The following DPY30 variants were observed in gnomAD, a reference collection of about 807,000 sequenced individuals.
DPY30 encodes protein dpy-30 homolog.
DPY30 carries 6 observed loss-of-function variants against 16.2 expected under a neutral mutation model. The observed-to-expected ratio is 0.37, with a 90% confidence interval of 0.20 to 0.73. The LOEUF is 0.73. Among genes scored for constraint, DPY30 ranks in the 30% least tolerant of loss-of-function variants. The pLI is 0.51. For synonymous variants in DPY30, 39 were observed against 38.8 expected (o/e 1.00, Z -0.02); for missense variants, 73 against 113.1 (o/e 0.65, Z 1.61).
At chr2:32,037,818 G>A (rs1176259730) in intron 3 of DPY30, among the ~76,000 whole-genome samples, 2 of 151,948 alleles carry the variant, frequency 1.3e-5, no homozygotes, top group East Asian at 3.9e-4. Flanking sequence ...CTCCCAAAGT[G>A]CTGGGATTAC....
intron 3 of DPY30, among the ~76,000 whole-genome samples, chr2:32,038,040 T>C (rs1675812449): frequency 6.6e-6 from 1 of 151,988 alleles, no homozygotes; most frequent in Non-Finnish European, 1.5e-5. Context: ...AGTAACTTGT[T>C]CAAGATCACC....
At chr2:32,032,142 C>T (rs1675566488) in intron 3 of DPY30, among the ~76,000 whole-genome samples, 2 of 152,122 alleles carry the variant, frequency 1.3e-5, no homozygotes, top group South Asian at 4.1e-4. Context: ...TCCAAAGACA[C>T]TTCCCATAAC....
At chr2:32,013,429 C>T (rs1343781898) in intron 5 of DPY30, 1 of 152,192 alleles carries the variant, frequency 6.6e-6, no homozygotes, top group South Asian at 2.1e-4. Context: ...ATTATTCCCC[C>T]TGTCCACCTT....
downstream of DPY30, among the ~76,000 whole-genome samples, chr2:32,022,827 A>G (rs1675215365): frequency 6.6e-6 from 1 of 151,910 alleles, no homozygotes; most frequent in African/African-American, 2.4e-5. Context: ...ATCACATTAA[A>G]TTTCTAACTT....
intron 5 of DPY30, among the ~76,000 whole-genome samples, chr2:32,016,178 TG>T (rs772529613): frequency 1.3e-5 from 2 of 152,286 alleles, no homozygotes; most frequent in Non-Finnish European, 2.9e-5. Context: ...GGATTACAAG[TG>T]TGAGCCACCG....
At position 32,024,076 on chromosome 2, in the gene DPY30, G is replaced by A. The variant is rs951012866; in HGVS notation, c.*108C>T. The A allele has an allele frequency of 6.6e-6, 10 of 1,517,826 alleles. No homozygotes were observed. The highest frequency in any genetic ancestry group is 7.0e-6 in the Non-Finnish European group (8 of 1,139,226). 94.0% of individuals were successfully genotyped at this position (1,517,826 alleles called of 1,614,324 possible). A position where few individuals can be genotyped will look rare whatever the true frequency, so the allele number is the denominator to read the frequency against. On this transcript the variant is annotated 3_prime_UTR_variant, in exon 5 of 5. Coordinates refer to ENST00000342166, the MANE Select transcript of DPY30 (RefSeq NM_001321209.2). ...TTCCAGAAATAGGTTCTGTTGTCCG[G>A]AAGGTTCTTATACATCCAAAAAGAG...
chr2:32,023,436 T>C (rs1675227994), downstream of DPY30: 1 of 471,366 alleles, frequency 2.1e-6, no homozygotes. Flanking sequence ...AGTGTTGTCT[T>C]GAGCATGTCA....
intron 3 of DPY30, among the ~76,000 whole-genome samples, chr2:32,033,848 G>A (rs1341707418): frequency 6.6e-6 from 1 of 152,128 alleles, no homozygotes. Flanking sequence ...AATAGATATA[G>A]CCAAACTAAC....
At chr2:32,033,799 T>G (rs1200207651) in intron 3 of DPY30, among the ~76,000 whole-genome samples, 7 of 152,264 alleles carry the variant, frequency 4.6e-5, no homozygotes, top group Admixed American at 4.6e-4. Context: ...CCAATTGTGA[T>G]GCTCAATTTC....
chr2:32,032,413 C>T (rs114787450), intron 3 of DPY30, among the ~76,000 whole-genome samples: 1,581 of 152,256 alleles, frequency 0.01, 18 homozygotes, highest in Middle Eastern at 0.054. Context: ...CTGACAGTAT[C>T]ATCTTGAATG....
downstream of DPY30, among the ~76,000 whole-genome samples, chr2:32,020,716 T>C (rs1373507675): frequency 6.6e-6 from 1 of 152,094 alleles, no homozygotes; most frequent in Non-Finnish European, 1.5e-5. Context: ...TAAATAGGGA[T>C]AAATTTTTTA....
chr2:32,023,856 C>A (rs1196477334), downstream of DPY30: 1 of 1,314,274 alleles, frequency 7.6e-7, no homozygotes, highest in African/African-American at 1.5e-5. Context: ...TAAAACAATT[C>A]AATCATGTAA....
chr2:32,031,208 G>A (rs1024941639), intron 3 of DPY30, among the ~76,000 whole-genome samples: 6 of 151,940 alleles, frequency 3.9e-5, no homozygotes, highest in African/African-American at 7.3e-5. Flanking sequence ...CGACCATGAG[G>A]TCAGGAGTTC....
At chr2:32,037,364 G>A (rs541786837) in intron 3 of DPY30, among the ~76,000 whole-genome samples, 53 of 152,198 alleles carry the variant, frequency 3.5e-4, no homozygotes, top group African/African-American at 1.2e-3. Context: ...GTGTGCAGTG[G>A]TGCAATTAGG....
chr2:32,029,416 A>T (rs915762041), intron 4 of DPY30, among the ~76,000 whole-genome samples, 178 bp downstream of exon 4: 2 of 152,194 alleles, frequency 1.3e-5, no homozygotes, highest in Non-Finnish European at 2.9e-5. Flanking sequence ...ATGATCTAAG[A>T]CTGGTGGGAA....
At chr2:32,036,036 G>A (rs1675724130) in intron 3 of DPY30, among the ~76,000 whole-genome samples, 1 of 150,552 alleles carries the variant, frequency 6.6e-6, no homozygotes, top group African/African-American at 2.4e-5. Context: ...CCACCCTGCA[G>A]TGCACTGGCA....
intron 3 of DPY30, 49 bp from the exon 4 acceptor site, chr2:32,029,785 A>G: frequency 6.2e-7 from 1 of 1,600,944 alleles, no homozygotes; most frequent in Non-Finnish European, 8.6e-7. Flanking sequence ...TAACCAGGTT[A>G]TTTTGAGTGC....
intron 4 of DPY30, among the ~76,000 whole-genome samples, chr2:32,028,599 G>C (rs561982534): frequency 2.0e-5 from 3 of 152,194 alleles, no homozygotes; most frequent in African/African-American, 7.2e-5. Context: ...TCAAGAGATC[G>C]AGATCATTCT....
chr2:32,013,906 G>A lies in DPY30; in HGVS notation n.378-1854C>T, dbSNP rs570614253. On this transcript the variant is annotated intron_variant and non_coding_transcript_variant, in intron 5 of 5. Coordinates refer to the DPY30 transcript ENST00000414013. ...GCCTGTAATCCCAGCAACTCGGGAGGCTGAGGCAGGAGAATCGCTTGAACC... is the reference window on the plus strand; with the variant it reads ...GCCTGTAATCCCAGCAACTCGGGAGACTGAGGCAGGAGAATCGCTTGAACC... Among the ~76,000 whole-genome samples, 4 of 152,292 alleles carry A rather than the reference G, an allele frequency of 2.6e-5. No homozygotes were observed. The South Asian group carries it at 8.3e-4, about 32-fold the overall frequency.
Sources: allele counts gnomAD v4.1 joint callset (sites outside exome capture counted in the v4.1 genomes callset), GRCh38; gene constraint gnomAD v4.1.1; transcripts MANE v1.5; gene names NCBI Gene and HGNC (gene_info 2026-07-23, HGNC 2026-07-21).